The following SGCD variants were observed in gnomAD, a reference collection of about 807,000 sequenced individuals.
The protein encoded by SGCD is delta-sarcoglycan.
Under a neutral mutation model 36.6 loss-of-function variants are expected in SGCD, and 18 were observed. That is an observed-to-expected ratio of 0.49 (90% CI 0.34 to 0.73). SGCD has a LOEUF of 0.73. Ranked by LOEUF, SGCD falls within the 30% of genes least tolerant of loss-of-function variation. The probability of loss-of-function intolerance (pLI) is 0.01; values close to 1 mark genes in which losing one functional copy is unlikely to be tolerated. For missense variants in SGCD, 387 were observed against 346.7 expected (o/e 1.12, Z -0.92); for synonymous variants, 133 against 130.6 (o/e 1.02, Z -0.12).
At chr5:156,640,509 G>A (rs1421737605) in intron 6 of SGCD, among the ~76,000 whole-genome samples, 2 of 138,590 alleles carry the variant, frequency 1.4e-5, no homozygotes, top group Non-Finnish European at 3.4e-5. Flanking sequence ...TAAGAGCAAA[G>A]ATTATCTTCT....
intron 6 of SGCD, among the ~76,000 whole-genome samples, chr5:156,608,257 T>C (rs1761584861): frequency 6.6e-6 from 1 of 152,208 alleles, no homozygotes; most frequent in Non-Finnish European, 1.5e-5. Flanking sequence ...TTGTTCTCTT[T>C]GGTTTCAAAG....
At chr5:156,063,451 T>C (rs1222075047) in intron 1 of SGCD, among the ~76,000 whole-genome samples, 1 of 122,234 alleles carries the variant, frequency 8.2e-6, no homozygotes, top group Non-Finnish European at 1.7e-5. Flanking sequence ...TTTAAAGTAG[T>C]TTTTTCCAAT....
chr5:156,491,489 A>G (rs1332220147), intron 3 of SGCD, among the ~76,000 whole-genome samples: 2 of 152,176 alleles, frequency 1.3e-5, no homozygotes, highest in East Asian at 1.9e-4. Context: ...ATAAAAATGG[A>G]CACATAGACC....
chr5:156,349,633 T>C (rs1769132457), intron 3 of SGCD, among the ~76,000 whole-genome samples: 1 of 152,110 alleles, frequency 6.6e-6, no homozygotes, highest in Admixed American at 6.6e-5. Context: ...AATATTTATA[T>C]ACTGCTGATG....
In SGCD at chr5:156,055,919, C is replaced by T. The variant is rs774523170; in HGVS notation, c.-281-61959C>T. 7.5e-5 allele frequency among the ~76,000 whole-genome samples: 11 copies of T among 146,092 alleles called. 2 individuals are homozygous for T. Among genetic ancestry groups the T allele is most frequent in the Non-Finnish European group, 1.5e-4 (10 of 64,790 alleles). ...AGAATGGATAGGTAGAGTAACAGCC[C>T]TGACTTCTAACGACTTAGAGGACAC... On this transcript the variant is annotated intron_variant, in intron 1 of 9. Coordinates refer to the SGCD transcript ENST00000517913.
intron 1 of SGCD, among the ~76,000 whole-genome samples, chr5:155,985,171 G>T (rs1193877181): frequency 1.3e-5 from 2 of 152,100 alleles, no homozygotes; most frequent in Non-Finnish European, 2.9e-5. Flanking sequence ...TGTTTCCATT[G>T]GTCAGAAGTC....
rs77947596 is a variant in SGCD, at chr5:156,342,929, C to T, written c.4-1560C>T. 1.6e-4 allele frequency among the ~76,000 whole-genome samples: 25 copies of T among 152,226 alleles called. No individual in the cohort carries two copies. The East Asian group carries it at 2.3e-3, about 14-fold the overall frequency. ...TCCAACATATACTAGGTACTGATTT[C>T]GGCACTAGGGTATGTGTTTGGAATG... On this transcript the variant is annotated intron_variant, in intron 2 of 8. Transcript: ENST00000337851.
the SGCD span, among the ~76,000 whole-genome samples, chr5:155,799,392 C>CTT: frequency 6.8e-6 from 1 of 148,116 alleles, no homozygotes; most frequent in South Asian, 2.1e-4. Context: ...AGGACAATGA[C>CTT]TTTATTTTTT....
intron 7 of SGCD, among the ~76,000 whole-genome samples, chr5:156,736,246 T>C (rs1340673863): frequency 1.3e-5 from 2 of 152,162 alleles, no homozygotes; most frequent in African/African-American, 2.4e-5. Flanking sequence ...TAGTTGGCCA[T>C]CTTGGCCACT....
At chr5:156,544,610 G>C (rs1414677300) in intron 4 of SGCD, among the ~76,000 whole-genome samples, 2 of 149,232 alleles carry the variant, frequency 1.3e-5, no homozygotes, top group Non-Finnish European at 3.0e-5. Context: ...TTTTTAGAAG[G>C]CCAATTAAAA....
At chr5:156,002,754 A>C (rs565814669) in intron 1 of SGCD, among the ~76,000 whole-genome samples, 1 of 152,364 alleles carries the variant, frequency 6.6e-6, no homozygotes, top group African/African-American at 2.4e-5. Context: ...ATGGGTCTAC[A>C]GCGAGGTTCT....
chr5:156,125,959 C>A (rs182243029), intron 3 of SGCD, among the ~76,000 whole-genome samples: 2 of 151,236 alleles, frequency 1.3e-5, no homozygotes, highest in African/African-American at 4.9e-5. Flanking sequence ...CTCACTGCAA[C>A]CTCCACCTCC....
At chr5:155,994,999 T>C (rs1006969373) in intron 1 of SGCD, among the ~76,000 whole-genome samples, 2 of 152,192 alleles carry the variant, frequency 1.3e-5, no homozygotes, top group Non-Finnish European at 2.9e-5. Flanking sequence ...CGTCTGTCCG[T>C]GTACCCAACC....
chr5:155,925,929 T>TG (rs910768633), intron 1 of SGCD, among the ~76,000 whole-genome samples: 6 of 152,126 alleles, frequency 3.9e-5, no homozygotes, highest in African/African-American at 1.2e-4. Flanking sequence ...AACTTTTTTT[T>TG]TTTTGTTTTG....
At chr5:156,237,240 T>A (rs578130700) in intron 3 of SGCD, among the ~76,000 whole-genome samples, 1 of 152,352 alleles carries the variant, frequency 6.6e-6, no homozygotes, top group South Asian at 2.1e-4. Context: ...ACTGGAAAAG[T>A]CAACCAAAAT....
chr5:156,380,388 A>G (rs1156960298), intron 3 of SGCD, among the ~76,000 whole-genome samples: 2 of 152,222 alleles, frequency 1.3e-5, no homozygotes, highest in Non-Finnish European at 2.9e-5. Context: ...AAATGTAAAT[A>G]CAACCTTCCT....
At chr5:156,299,064 T>C (rs1766981722) in intron 3 of SGCD, among the ~76,000 whole-genome samples, 1 of 152,218 alleles carries the variant, frequency 6.6e-6, no homozygotes, top group Non-Finnish European at 1.5e-5. Flanking sequence ...ATTAGTTTCA[T>C]AGTTTGAGGC....
the SGCD span, among the ~76,000 whole-genome samples, chr5:155,853,216 G>T: frequency 5.3e-5 from 8 of 150,486 alleles, no homozygotes; most frequent in Non-Finnish European, 1.0e-4. Context: ...AGCATGCATT[G>T]ATCGATATTT....
intron 7 of SGCD, among the ~76,000 whole-genome samples, chr5:156,744,466 G>A (rs745722178): frequency 2.0e-5 from 3 of 152,154 alleles, no homozygotes; most frequent in Non-Finnish European, 4.4e-5. Context: ...TGAGTTTCAG[G>A]AAGAAAGACA....
Sources: allele counts gnomAD v4.1 joint callset (sites outside exome capture counted in the v4.1 genomes callset), GRCh38; gene constraint gnomAD v4.1.1; transcripts MANE v1.5; gene names NCBI Gene and HGNC (gene_info 2026-07-23, HGNC 2026-07-21).